Variants in CFDP1 observed in about 807,000 individuals in gnomAD.
CFDP1 encodes the protein chromatin remodeling protein CFDP1.
Under a neutral mutation model 40.1 loss-of-function variants are expected in CFDP1, and 31 were observed. That is an observed-to-expected ratio of 0.77 (90% CI 0.58 to 1.04). CFDP1 has a LOEUF of 1.04. CFDP1 is among the 50% of genes least tolerant of loss of function. CFDP1 has a pLI of 0.00. For missense variants in CFDP1, 423 were observed against 343.4 expected (o/e 1.23, Z -1.83); for synonymous variants, 167 against 120.0 (o/e 1.39, Z -2.56).
In CFDP1 at chr16:75,415,793, G is replaced by T. The variant is rs150195515; in HGVS notation, c.65-1098C>A. Among the ~76,000 whole-genome samples the T allele has an allele frequency of 6.9e-3, 1,044 of 152,246 alleles. 7 individuals are homozygous for T. The highest frequency in any genetic ancestry group is 0.024 in the Middle Eastern group (7 of 294). The stretch of plus-strand genomic sequence containing the variant: ...CATTCTACTGCTGATGCACAACTAG[G>T]TTGTTTCCAATTTGGAGTCATTACA... On this transcript the variant is annotated intron_variant, in intron 1 of 6. Coordinates refer to ENST00000283882, the MANE Select transcript of CFDP1 (RefSeq NM_006324.3).
intron 5 of CFDP1, among the ~76,000 whole-genome samples, chr16:75,384,852 CTATATATATATATATATATATATATATA>C (rs59681577): frequency 4.2e-5 from 5 of 119,956 alleles, no homozygotes; most frequent in African/African-American, 1.4e-4. Context: ...GAAACTAAAA[CTATATATATATATATATATATATATATA>C]TATATATATA....
At chr16:75,404,616 G>A (rs1033543095) in intron 4 of CFDP1, among the ~76,000 whole-genome samples, 3 of 151,656 alleles carry the variant, frequency 2.0e-5, no homozygotes, top group Non-Finnish European at 4.4e-5. Flanking sequence ...TAGTATTTTT[G>A]TCTAACATAA....
intron 4 of CFDP1, among the ~76,000 whole-genome samples, chr16:75,409,151 G>T (rs192773213): frequency 6.6e-6 from 1 of 152,064 alleles, no homozygotes; most frequent in African/African-American, 2.4e-5. Flanking sequence ...GAGCCACCGT[G>T]CCAGGCCAGT....
chr16:75,333,438 T>C (rs893846482), intron 5 of CFDP1, among the ~76,000 whole-genome samples: 9 of 152,202 alleles, frequency 5.9e-5, no homozygotes, highest in African/African-American at 2.2e-4. Flanking sequence ...ATGTTCTTAA[T>C]GACATCTTTC....
chr16:75,401,280 T>G (rs557803721), intron 4 of CFDP1, among the ~76,000 whole-genome samples: 10 of 151,956 alleles, frequency 6.6e-5, no homozygotes, highest in Admixed American at 3.9e-4. Context: ...TACAAAATAT[T>G]AGCCAGGCTT....
At chr16:75,340,205 G>A (rs2078517315) in intron 5 of CFDP1, among the ~76,000 whole-genome samples, 1 of 152,120 alleles carries the variant, frequency 6.6e-6, no homozygotes, top group South Asian at 2.1e-4. Flanking sequence ...ATGCTCCTAC[G>A]ATGATCCTGT....
chr16:75,418,363 T>C (rs1213517973), intron 1 of CFDP1, among the ~76,000 whole-genome samples: 4 of 138,880 alleles, frequency 2.9e-5, no homozygotes, highest in African/African-American at 1.1e-4. Context: ...TAGAGTGCAG[T>C]GGCACGATCT....
intron 5 of CFDP1, among the ~76,000 whole-genome samples, chr16:75,379,265 A>G (rs752163709): frequency 2.0e-5 from 3 of 152,022 alleles, no homozygotes; most frequent in Non-Finnish European, 4.4e-5. Flanking sequence ...ACATAAAGGG[A>G]AAGATCAATG....
intron 5 of CFDP1, among the ~76,000 whole-genome samples, chr16:75,334,365 A>T (rs1345939003): frequency 6.6e-6 from 1 of 151,416 alleles, no homozygotes; most frequent in Non-Finnish European, 1.5e-5. Flanking sequence ...ATAAAACTGT[A>T]CGGCAGTCCC....
intron 5 of CFDP1, among the ~76,000 whole-genome samples, chr16:75,337,775 C>A (rs1367460675): frequency 6.6e-6 from 1 of 152,052 alleles, no homozygotes; most frequent in Non-Finnish European, 1.5e-5. Flanking sequence ...TGCCCATGAT[C>A]CAATCACCTC....
chr16:75,366,874 T>G (rs2078717729), intron 5 of CFDP1, among the ~76,000 whole-genome samples: 1 of 151,140 alleles, frequency 6.6e-6, no homozygotes. Context: ...TTTAAAAAAT[T>G]TACTATAGGC....
intron 5 of CFDP1, among the ~76,000 whole-genome samples, chr16:75,352,220 A>C (rs2078617844): frequency 6.6e-6 from 1 of 151,960 alleles, no homozygotes; most frequent in African/African-American, 2.4e-5. Context: ...GCGTGCCTGT[A>C]GTCCCAGCTA....
At chr16:75,427,218 G>A (rs1420982308) in intron 1 of CFDP1, among the ~76,000 whole-genome samples, 3 of 152,044 alleles carry the variant, frequency 2.0e-5, no homozygotes, top group Admixed American at 1.3e-4. Flanking sequence ...AACATCCTTA[G>A]GGAAATGCAA....
intron 5 of CFDP1, among the ~76,000 whole-genome samples, chr16:75,363,942 A>AACAC (rs10635711): frequency 0.17 from 23,911 of 142,730 alleles, 2,349 homozygotes; most frequent in East Asian, 0.43. Flanking sequence ...AAAGAGGTGA[A>AACAC]ACACACACAC....
Position 75,331,898 on chromosome 16 carries a change from G to GA in CFDP1, c.651-26717dup, listed in dbSNP as rs539396577. 7.0e-4 allele frequency among the ~76,000 whole-genome samples: 107 copies of GA among 152,302 alleles called. 1 individual carries two copies. In the Middle Eastern group the frequency reaches 0.014, roughly 19 times the overall value. On this transcript the variant is annotated intron_variant, in intron 5 of 6. Transcript: ENST00000283882. ...ATGCCAAACAGTTCTCCAAAGTTAAGAACTCTCACACGTTATAGTCCTACC... is the reference window on the plus strand; with the variant it reads ...ATGCCAAACAGTTCTCCAAAGTTAAGAAACTCTCACACGTTATAGTCCTACC...
chr16:75,309,650 C>G (rs2078280699), intron 5 of CFDP1, among the ~76,000 whole-genome samples: 1 of 152,006 alleles, frequency 6.6e-6, no homozygotes, highest in African/African-American at 2.4e-5. Context: ...GAAACCCCGT[C>G]TCTACTAAAA....
rs551682460 is a variant in CFDP1 at position 75,300,723 on chromosome 16, G to C, written c.809+4301C>G. On this transcript the variant is annotated intron_variant, in intron 6 of 6. Transcript: ENST00000283882. ...AAGTTTGATGTGTCTTGGACAACCA[G>C]AAGGTGATGTCAACTAACAGCTGAA... Among the ~76,000 whole-genome samples, 3 of 152,296 alleles carry C rather than the reference G, an allele frequency of 2.0e-5. No homozygotes were observed. The South Asian group carries it at 6.2e-4, about 32-fold the overall frequency.
intron 5 of CFDP1, among the ~76,000 whole-genome samples, chr16:75,333,663 A>G (rs2078464320): frequency 2.0e-5 from 3 of 152,192 alleles, no homozygotes; most frequent in Non-Finnish European, 2.9e-5. Context: ...CCTTTCAGAT[A>G]TATGCTGTTC....
chr16:75,430,054 C>T (rs1469353428), intron 1 of CFDP1, among the ~76,000 whole-genome samples: 1 of 152,188 alleles, frequency 6.6e-6, no homozygotes, highest in Non-Finnish European at 1.5e-5. Context: ...GGTGGGAGTG[C>T]TTCCAGGCTA....
Sources: gnomAD v4.1 joint callset for allele counts (sites outside exome capture counted in the v4.1 genomes callset) on GRCh38, gnomAD v4.1.1 for gene constraint, MANE v1.5 for transcripts, NCBI Gene and HGNC (gene_info 2026-07-23, HGNC 2026-07-21) for gene names.